The following SOX5 variants were observed in gnomAD, a reference collection of about 807,000 sequenced individuals.
SOX5 encodes the protein SRY-box transcription factor 5.
A neutral mutation model predicts 92.0 loss-of-function variants in SOX5; 9 were observed. The observed-to-expected ratio is 0.10, with a 90% CI of 0.06 to 0.17. The LOEUF is 0.17. Among genes scored for constraint, SOX5 ranks in the 10% least tolerant of loss-of-function variants. The probability of loss-of-function intolerance (pLI) is 1.00; values close to 1 mark genes in which losing one functional copy is unlikely to be tolerated. For synonymous variants in SOX5, 344 were observed against 336.3 expected (o/e 1.02, Z -0.25); for missense variants, 642 against 944.5 (o/e 0.68, Z 4.20).
chr12:24,359,940 T>A (rs547920684), intron 2 of SOX5, among the ~76,000 whole-genome samples: 1 of 151,884 alleles, frequency 6.6e-6, no homozygotes, highest in Admixed American at 6.6e-5. Flanking sequence ...ATATGGGGAA[T>A]AAAGGTCATA....
intron 1 of SOX5, among the ~76,000 whole-genome samples, chr12:24,376,778 C>T (rs1957326774): frequency 7.8e-6 from 1 of 128,726 alleles, no homozygotes; most frequent in South Asian, 2.7e-4. Flanking sequence ...GCAATTAAGA[C>T]TCACTGCAGC....
At chr12:23,766,934 A>G (rs1450610112) in intron 3 of SOX5, among the ~76,000 whole-genome samples, 1 of 152,136 alleles carries the variant, frequency 6.6e-6, no homozygotes, top group Non-Finnish European at 1.5e-5. Flanking sequence ...AAATCATGTA[A>G]CCACATATTA....
chr12:24,400,089 T>G (rs1961154134), intron 1 of SOX5, among the ~76,000 whole-genome samples: 1 of 152,218 alleles, frequency 6.6e-6, no homozygotes, highest in Admixed American at 6.5e-5. Context: ...AGTCCATAAT[T>G]CAGCATATTC....
chr12:24,120,009 T>C (rs1948452418), intron 4 of SOX5, among the ~76,000 whole-genome samples: 1 of 152,236 alleles, frequency 6.6e-6, no homozygotes, highest in Admixed American at 6.5e-5. Context: ...AGATCACACA[T>C]TTTTATTGCT....
intron 4 of SOX5, among the ~76,000 whole-genome samples, chr12:24,068,018 G>T (rs1412895030): frequency 6.6e-6 from 1 of 152,078 alleles, no homozygotes; most frequent in Admixed American, 6.5e-5. Context: ...GGTGGTGTGC[G>T]CCTGTAGTCC....
intron 4 of SOX5, 79 bp from the exon 5 acceptor site, chr12:23,741,118 ACAGAG>A: frequency 2.9e-6 from 3 of 1,047,276 alleles, no homozygotes; most frequent in Admixed American, 3.2e-5. Flanking sequence ...TCTGTTGTAT[ACAGAG>A]CCAGTCCAAA....
chr12:23,584,578 C>G, intron 9 of SOX5: 1 of 1,611,350 alleles, frequency 6.2e-7, no homozygotes, highest in Non-Finnish European at 8.5e-7. Flanking sequence ...CACAAATCTC[C>G]AACAGTCTGG....
At chr12:24,420,406 T>C (rs1245577360) in intron 1 of SOX5, among the ~76,000 whole-genome samples, 1 of 152,114 alleles carries the variant, frequency 6.6e-6, no homozygotes, top group Non-Finnish European at 1.5e-5. Flanking sequence ...CTTGAAAGGG[T>C]TCCCATTGTC....
chr12:24,531,982 A>G (rs779276554), intron 1 of SOX5, among the ~76,000 whole-genome samples: 4 of 152,190 alleles, frequency 2.6e-5, no homozygotes, highest in Non-Finnish European at 4.4e-5. Flanking sequence ...CAGCAGACCA[A>G]CTATTTAAAT....
intron 4 of SOX5, among the ~76,000 whole-genome samples, chr12:24,155,441 G>C (rs892245973): frequency 2.0e-5 from 3 of 151,742 alleles, no homozygotes; most frequent in African/African-American, 7.3e-5. Context: ...TAATTTTGCT[G>C]TCATGACATG....
chr12:24,265,538 C>T (rs1161682970), intron 3 of SOX5, among the ~76,000 whole-genome samples: 1 of 151,730 alleles, frequency 6.6e-6, no homozygotes, highest in African/African-American at 2.4e-5. Flanking sequence ...AGTGAGAGTC[C>T]ATCTCAAAAA....
At chr12:23,616,153 A>G (rs10842190) in intron 8 of SOX5, among the ~76,000 whole-genome samples, 63,786 of 152,112 alleles carry the variant, frequency 0.42, 13,681 homozygotes, top group South Asian at 0.57. Context: ...CTGAACATTG[A>G]CGACTTTCAT....
At chr12:24,535,850 G>C (rs1597711432) in intron 1 of SOX5, among the ~76,000 whole-genome samples, 1 of 151,958 alleles carries the variant, frequency 6.6e-6, no homozygotes. Context: ...ACCACGGCTG[G>C]TCCCAGCTCC....
chr12:24,364,002 G>A (rs1008861152), intron 2 of SOX5, among the ~76,000 whole-genome samples: 9 of 152,116 alleles, frequency 5.9e-5, no homozygotes, highest in East Asian at 1.9e-4. Context: ...TGTTTTCGTC[G>A]GCAGGCATTT....
chr12:23,604,446 C>G lies in SOX5; in HGVS notation c.1105G>C (p.Val369Leu), dbSNP rs1180406066. The change falls in exon 9 of 15, where the codon GTA (valine) becomes CTA (leucine). Residue 369 changes from valine to leucine, a missense_variant. By Grantham distance (32) the Val-to-Leu change is conservative. This residue lies in a region of SOX5 where 324 missense variants were observed against 461.6 expected (regional missense o/e 0.70). Coordinates refer to ENST00000451604, the MANE Select transcript of SOX5 (RefSeq NM_006940.6). ...GIPQGNLGAA[V>L]SPTSIHTDKS... The stretch of plus-strand genomic sequence containing the variant: ...TCTGTGTGAATGCTGGTAGGAGATA[C>G]AGCAGCACCAAGGTTGCCTTGGGGT... The G allele has an allele frequency of 1.9e-6, 3 of 1,613,688 alleles. No homozygotes were observed. Among genetic ancestry groups the G allele is most frequent in the Non-Finnish European group, 2.5e-6 (3 of 1,179,812 alleles).
At chr12:24,366,184 T>C (rs965137942) in intron 2 of SOX5, among the ~76,000 whole-genome samples, 4 of 152,158 alleles carry the variant, frequency 2.6e-5, no homozygotes, top group East Asian at 3.8e-4. Flanking sequence ...TATGTCCCCA[T>C]TGTGATTTTT....
intron 1 of SOX5, among the ~76,000 whole-genome samples, chr12:23,925,883 TAAATA>T (rs1939803574): frequency 6.6e-6 from 1 of 152,072 alleles, no homozygotes; most frequent in South Asian, 2.1e-4. Context: ...TTAAAAATGA[TAAATA>T]AAATATCTCA....
At chr12:24,331,358 G>C (rs1379568923) in intron 2 of SOX5, 2 of 152,098 alleles carry the variant, frequency 1.3e-5, no homozygotes, top group Non-Finnish European at 2.9e-5. Flanking sequence ...TTCTTGAATA[G>C]GATGGGCAGC....
At chr12:23,981,308 C>G (rs1251002485) in intron 4 of SOX5, among the ~76,000 whole-genome samples, 1 of 152,100 alleles carries the variant, frequency 6.6e-6, no homozygotes, top group Non-Finnish European at 1.5e-5. Flanking sequence ...CTTAGTCTTT[C>G]CATTCTGAGA....
Sources: allele counts gnomAD v4.1 joint callset (sites outside exome capture counted in the v4.1 genomes callset), GRCh38; gene constraint gnomAD v4.1.1; regional missense constraint gnomAD v4.1.1; transcripts MANE v1.5; gene names NCBI Gene and HGNC (gene_info 2026-07-23, HGNC 2026-07-21).